The following CAMSAP2 variants were observed in gnomAD, a reference collection of about 807,000 sequenced individuals.
CAMSAP2 encodes calmodulin-regulated spectrin-associated protein 2.
In CAMSAP2, 26 loss-of-function variants were observed where a neutral mutation model predicts 146.1. The ratio of observed to expected loss-of-function variants is 0.18; its 90% confidence interval spans 0.13 to 0.25. The LOEUF (loss-of-function observed/expected upper bound fraction) is 0.25. Among genes scored for constraint, CAMSAP2 ranks in the 10% least tolerant of loss-of-function variants. The probability of loss-of-function intolerance (pLI) is 1.00; values close to 1 mark genes in which losing one functional copy is unlikely to be tolerated. For missense variants in CAMSAP2, 1,381 were observed against 1,759.3 expected (o/e 0.78, Z 3.85); for synonymous variants, 499 against 596.6 (o/e 0.84, Z 2.38).
chr1:200,808,509 T>G (rs1249645659), intron 3 of CAMSAP2, among the ~76,000 whole-genome samples: 2 of 152,240 alleles, frequency 1.3e-5, no homozygotes, highest in African/African-American at 2.4e-5. Flanking sequence ...AAAACACTAT[T>G]ACAGCTATCT....
intron 3 of CAMSAP2, among the ~76,000 whole-genome samples, chr1:200,808,888 C>T (rs1666250204): frequency 6.6e-6 from 1 of 152,090 alleles, no homozygotes; most frequent in African/African-American, 2.4e-5. Context: ...CTTATGTCTC[C>T]CCTTCCCTCC....
chr1:200,849,214 T>C lies in CAMSAP2; in HGVS notation c.2445T>C (p.Thr815=). ...AAGAEDEKVY[T]DRAKEKESQK... Reference sequence around the variant, plus strand: ...GTGCAGAAGATGAGAAAGTATATACTGATCGAGCAAAAGAAAAGGAATCAC... The same window carrying C: ...GTGCAGAAGATGAGAAAGTATATACCGATCGAGCAAAAGAAAAGGAATCAC... The change falls in exon 11 of 17, where the codon ACT becomes ACC. Residue 815 remains threonine, a synonymous_variant. Coordinates refer to ENST00000358823, the MANE Select transcript of CAMSAP2 (RefSeq NM_203459.4). The surrounding 1 kb of genome is among the most constrained non-coding windows in gnomAD (Gnocchi z 6.3). 4 of 1,613,758 alleles carry C rather than the reference T, an allele frequency of 2.5e-6. No individual in the cohort carries two copies. Among genetic ancestry groups the C allele is most frequent in the South Asian group, 1.1e-5 (1 of 91,076 alleles).
intron 2 of CAMSAP2, among the ~76,000 whole-genome samples, chr1:200,790,740 T>A (rs1171338325): frequency 6.6e-6 from 1 of 152,254 alleles, no homozygotes; most frequent in Non-Finnish European, 1.5e-5. Flanking sequence ...GGTTTTTACA[T>A]GCAGACCAGA....
chr1:200,817,191 TGTGTGTGTGTATACACAC>T, intron 4 of CAMSAP2, among the ~76,000 whole-genome samples: 1 of 133,578 alleles, frequency 7.5e-6, no homozygotes, highest in East Asian at 2.2e-4. Flanking sequence ...CACACACACA[TGTGTGTGTGTATACACAC>T]ATACACACAT....
At chr1:200,796,750 C>A (rs1665895077) in intron 2 of CAMSAP2, among the ~76,000 whole-genome samples, 1 of 151,430 alleles carries the variant, frequency 6.6e-6, no homozygotes, top group African/African-American at 2.4e-5. Context: ...ATACATGTGC[C>A]ATGCTGGTGC....
At chr1:200,816,676 G>A (rs1166574465) in intron 4 of CAMSAP2, among the ~76,000 whole-genome samples, 1 of 141,748 alleles carries the variant, frequency 7.1e-6, no homozygotes, top group Non-Finnish European at 1.5e-5. Flanking sequence ...ATGTGTATAT[G>A]TGTGTATATG....
At chr1:200,763,315 G>C (rs1664850929) in intron 2 of CAMSAP2, among the ~76,000 whole-genome samples, 1 of 152,146 alleles carries the variant, frequency 6.6e-6, no homozygotes, top group Admixed American at 6.5e-5. Context: ...AAGGCTGGCG[G>C]ATCACCTGAG....
intron 4 of CAMSAP2, among the ~76,000 whole-genome samples, chr1:200,817,189 CATGT>C (rs1666604719): frequency 1.8e-5 from 2 of 112,048 alleles, no homozygotes; most frequent in Non-Finnish European, 3.9e-5. Context: ...CACACACACA[CATGT>C]GTGTGTGTAT....
At chr1:200,758,939 A>C (rs1222000024) in intron 1 of CAMSAP2, among the ~76,000 whole-genome samples, 1 of 152,104 alleles carries the variant, frequency 6.6e-6, no homozygotes, top group Non-Finnish European at 1.5e-5. Context: ...GTAATCTTCT[A>C]TCTCTGATTT....
At chr1:200,840,804 T>G (rs1394852019) in intron 6 of CAMSAP2, among the ~76,000 whole-genome samples, 1 of 152,196 alleles carries the variant, frequency 6.6e-6, no homozygotes, top group Admixed American at 6.5e-5. Context: ...TATTAAACAT[T>G]AATAAATTTG....
chr1:200,756,464 GAAAAAA>G (rs919266609), intron 1 of CAMSAP2, among the ~76,000 whole-genome samples: 4 of 143,002 alleles, frequency 2.8e-5, no homozygotes, highest in African/African-American at 1.0e-4. Flanking sequence ...AAGAAAAAAA[GAAAAAA>G]AAAAGAAAAA....
chr1:200,792,437 G>T (rs545122584), intron 2 of CAMSAP2, among the ~76,000 whole-genome samples: 37 of 152,238 alleles, frequency 2.4e-4, no homozygotes, highest in African/African-American at 8.9e-4. Context: ...TTGAGATCGG[G>T]AGTTTGAGAC....
intron 2 of CAMSAP2, among the ~76,000 whole-genome samples, chr1:200,768,783 A>G (rs1260403897): frequency 6.6e-6 from 1 of 152,078 alleles, no homozygotes; most frequent in Non-Finnish European, 1.5e-5. Flanking sequence ...CCTCCCAAGT[A>G]GCTGGGACTA....
chr1:200,826,568 C>T (rs1571804733), intron 4 of CAMSAP2, among the ~76,000 whole-genome samples: 2 of 152,268 alleles, frequency 1.3e-5, no homozygotes, highest in East Asian at 1.9e-4. Context: ...CCTCCTGGAA[C>T]GGCCTGAGAG....
intron 3 of CAMSAP2, among the ~76,000 whole-genome samples, chr1:200,814,628 A>G (rs1410254229): frequency 1.4e-4 from 20 of 144,162 alleles, no homozygotes; most frequent in African/African-American, 5.1e-4. Flanking sequence ...AAAAAAAAAA[A>G]AAAAAACAAG....
chr1:200,782,943 T>G (rs1372376261), intron 2 of CAMSAP2, among the ~76,000 whole-genome samples: 5 of 151,830 alleles, frequency 3.3e-5, no homozygotes, highest in Admixed American at 6.6e-5. Flanking sequence ...CCAGCTAATT[T>G]TTTGTAGACA....
chr1:200,763,762 TA>T (rs1664864270), intron 2 of CAMSAP2, among the ~76,000 whole-genome samples: 1 of 152,270 alleles, frequency 6.6e-6, no homozygotes, highest in South Asian at 2.1e-4. Context: ...AGATTACTAG[TA>T]AAAAGTTGTT....
chr1:200,849,215 G>A lies in CAMSAP2; in HGVS notation c.2446G>A (p.Asp816Asn). ...TGCAGAAGATGAGAAAGTATATACT[G>A]ATCGAGCAAAAGAAAAGGAATCACA... is the stretch of plus-strand genomic sequence containing the variant. ...AGAEDEKVYT[D>N]RAKEKESQKT... is the part of the protein sequence containing the mutation. The change falls in exon 11 of 17, where the codon GAT (aspartate) becomes AAT (asparagine). Residue 816 changes from aspartate (D) to asparagine (N), a missense_variant. Physicochemically the swap from Asp to Asn is conservative, Grantham distance 23. This residue lies in a region of CAMSAP2 where 560 missense variants were observed against 715.9 expected (regional missense o/e 0.78). Transcript: ENST00000358823. This position sits in a 1 kb window ranked among gnomAD's most constrained non-coding sequence, Gnocchi z 6.3. 1 of 1,613,852 alleles carries A rather than the reference G, an allele frequency of 6.2e-7. No individual in the cohort carries two copies. The highest frequency in any genetic ancestry group is 2.2e-5 in the East Asian group (1 of 44,880).
rs560242460 is a variant in CAMSAP2 at position 200,828,407 on chromosome 1, T to C, written c.646-3793T>C. On this transcript the variant is annotated intron_variant, in intron 4 of 16. Transcript: ENST00000358823. ...AGTGGTCTTTAGCATTAGGAACTTA[T>C]GTATTTTTAACTAAAATATTTATTA... Among the ~76,000 whole-genome samples, 8 of 152,346 alleles carry C rather than the reference T, an allele frequency of 5.3e-5. No homozygotes were observed. In the East Asian group the frequency reaches 9.6e-4, roughly 18 times the overall value.
Sources: gnomAD v4.1 joint callset for allele counts (sites outside exome capture counted in the v4.1 genomes callset) on GRCh38, gnomAD v4.1.1 for gene constraint, gnomAD v4.1.1 regional missense constraint, Gnocchi (gnomAD v3.1) non-coding constraint, MANE v1.5 for transcripts, NCBI Gene and HGNC (gene_info 2026-07-23, HGNC 2026-07-21) for gene names.